QTMAN: variants seen among roughly 807,000 people sequenced by gnomAD.
QTMAN encodes the protein tRNA-queuosine alpha-mannosyltransferase.
At chr2:143,983,027 T>C in the QTMAN span, among the ~76,000 whole-genome samples, 1 of 152,146 alleles carries the variant, frequency 6.6e-6, no homozygotes, top group African/African-American at 2.4e-5. Flanking sequence ...AATTCACATA[T>C]GACAATTTTA....
chr2:144,096,228 C>G, the QTMAN span, among the ~76,000 whole-genome samples: 1 of 152,104 alleles, frequency 6.6e-6, no homozygotes, highest in African/African-American at 2.4e-5. Context: ...GTAAAACAAA[C>G]CACAAATGAA....
chr2:143,983,468 GTTTT>G, the QTMAN span, among the ~76,000 whole-genome samples: 5 of 115,998 alleles, frequency 4.3e-5, no homozygotes, highest in African/African-American at 1.0e-4. Context: ...CATTTTTGAG[GTTTT>G]TTTTTTTTTT....
At chr2:144,175,371 T>C in the QTMAN span, among the ~76,000 whole-genome samples, 314 of 152,124 alleles carry the variant, frequency 2.1e-3, no homozygotes, top group African/African-American at 7.2e-3. Context: ...GAACTATACT[T>C]AGACACACAA....
the QTMAN span, among the ~76,000 whole-genome samples, chr2:144,176,422 AT>A: frequency 1.3e-5 from 2 of 152,174 alleles, no homozygotes; most frequent in Non-Finnish European, 2.9e-5. Flanking sequence ...GGGAAGAAAT[AT>A]TAAAGTCAGC....
the QTMAN span, among the ~76,000 whole-genome samples, chr2:144,066,372 AATAC>A: frequency 1.3e-5 from 2 of 152,218 alleles, no homozygotes; most frequent in Admixed American, 1.3e-4. Flanking sequence ...AGGATAATAA[AATAC>A]ATTTAAATCT....
chr2:144,187,151 T>C, the QTMAN span, among the ~76,000 whole-genome samples: 2 of 152,228 alleles, frequency 1.3e-5, no homozygotes, highest in Non-Finnish European at 2.9e-5. Context: ...TTTGTGGTTG[T>C]CTTGTCTGTT....
the QTMAN span, chr2:143,946,779 A>G: frequency 2.4e-6 from 1 of 409,232 alleles, no homozygotes; most frequent in Non-Finnish European, 4.3e-6. Flanking sequence ...ATTTTTTTTG[A>G]ACAGTCTCCT....
At chr2:144,261,895 A>T in the QTMAN span, among the ~76,000 whole-genome samples, 144 of 152,260 alleles carry the variant, frequency 9.5e-4, no homozygotes, top group South Asian at 2.1e-3. Flanking sequence ...ATATCAACAT[A>T]GAAGAATTCA....
the QTMAN span, among the ~76,000 whole-genome samples, chr2:144,014,018 C>T: frequency 6.6e-6 from 1 of 152,114 alleles, no homozygotes; most frequent in African/African-American, 2.4e-5. Flanking sequence ...TCCTCCGTCA[C>T]ACTATCTTCA....
At chr2:144,228,956 CA>C in the QTMAN span, among the ~76,000 whole-genome samples, 16 of 144,572 alleles carry the variant, frequency 1.1e-4, no homozygotes, top group Admixed American at 2.8e-4. Context: ...AGACTCCATC[CA>C]AAAAAAAAAG....
At chr2:143,983,634 C>T in the QTMAN span, among the ~76,000 whole-genome samples, 3 of 151,910 alleles carry the variant, frequency 2.0e-5, no homozygotes, top group South Asian at 4.2e-4. Context: ...CCACCATGCC[C>T]GGCTAATTTT....
chr2:144,276,874 G>C, the QTMAN span, among the ~76,000 whole-genome samples: 1 of 152,072 alleles, frequency 6.6e-6, no homozygotes, highest in Non-Finnish European at 1.5e-5. Flanking sequence ...TACACTTACA[G>C]AACTTTCATA....
the QTMAN span, among the ~76,000 whole-genome samples, chr2:144,074,881 C>G: frequency 6.6e-6 from 1 of 152,154 alleles, no homozygotes; most frequent in Non-Finnish European, 1.5e-5. Flanking sequence ...ATAAAAAAGA[C>G]GTTTAACTCT....
At chr2:144,085,717 T>C in the QTMAN span, among the ~76,000 whole-genome samples, 1 of 152,142 alleles carries the variant, frequency 6.6e-6, no homozygotes, top group African/African-American at 2.4e-5. Context: ...TTCTCAGGTG[T>C]TTCTTATTCA....
the QTMAN span, among the ~76,000 whole-genome samples, chr2:144,043,793 G>C: frequency 6.6e-6 from 1 of 152,138 alleles, no homozygotes; most frequent in African/African-American, 2.4e-5. Context: ...AAAATTAACT[G>C]AACTTGCCTT....
chr2:144,052,111 T>C, the QTMAN span, among the ~76,000 whole-genome samples: 141 of 151,920 alleles, frequency 9.3e-4, no homozygotes, highest in African/African-American at 3.3e-3. Context: ...TGCCAGCACA[T>C]TGTAGGCCCC....
chr2:144,086,636 CAA>C, the QTMAN span, among the ~76,000 whole-genome samples: 5 of 152,224 alleles, frequency 3.3e-5, no homozygotes, highest in South Asian at 1.0e-3. Flanking sequence ...AAGAAAAACT[CAA>C]AGTTTCCAAA....
At chr2:143,992,525 G>T in the QTMAN span, among the ~76,000 whole-genome samples, 2 of 150,206 alleles carry the variant, frequency 1.3e-5, no homozygotes, top group South Asian at 2.1e-4. Flanking sequence ...ACCCAAGAAT[G>T]ATCAATAAAA....
At chr2:144,251,042 T>C in the QTMAN span, among the ~76,000 whole-genome samples, 1 of 152,136 alleles carries the variant, frequency 6.6e-6, no homozygotes, top group African/African-American at 2.4e-5. Context: ...GAACTTATAA[T>C]GAGCCATTTT....
Sources: allele counts gnomAD v4.1 joint callset (sites outside exome capture counted in the v4.1 genomes callset), GRCh38; gene constraint gnomAD v4.1.1; transcripts MANE v1.5; gene names NCBI Gene and HGNC (gene_info 2026-07-23, HGNC 2026-07-21).